The following NTNG1 variants were observed in gnomAD, a reference collection of about 807,000 sequenced individuals.
NTNG1 encodes the protein netrin-G1.
NTNG1 carries 16 observed loss-of-function variants against 54.0 expected under a neutral mutation model. The ratio of observed to expected loss-of-function variants is 0.30; its 90% CI spans 0.20 to 0.45. The LOEUF is 0.45. Among genes scored for constraint, NTNG1 ranks in the 20% least tolerant of loss-of-function variants. NTNG1 has a pLI of 1.00. For synonymous variants in NTNG1, 255 were observed against 263.1 expected (o/e 0.97, Z 0.30); for missense variants, 530 against 678.7 (o/e 0.78, Z 2.43).
Position 107,176,001 on chromosome 1 carries a change from T to A in NTNG1, c.246+27162T>A, listed in dbSNP as rs185585072. Among the ~76,000 whole-genome samples the A allele has an allele frequency of 3.0e-3, 457 of 152,262 alleles. 3 individuals are homozygous for A. The highest frequency in any genetic ancestry group is 0.01 in the Admixed American group (154 of 15,288). ...TCAGTACAAATCAATAGCTACTTATTGAGGGCCCACTGTTTTCACCTGGGT... is the reference window on the plus strand; with the variant it reads ...TCAGTACAAATCAATAGCTACTTATAGAGGGCCCACTGTTTTCACCTGGGT... On this transcript the variant is annotated intron_variant, in intron 2 of 7. Coordinates refer to ENST00000370068, the MANE Select transcript of NTNG1 (RefSeq NM_001113226.3).
intron 7 of NTNG1, among the ~76,000 whole-genome samples, chr1:107,472,229 GA>G (rs1173698352): frequency 6.6e-6 from 1 of 152,110 alleles, no homozygotes; most frequent in East Asian, 1.9e-4. Flanking sequence ...AGATCAAACA[GA>G]AACAGTCACC....
chr1:107,222,382 A>G (rs1660402105), intron 2 of NTNG1, among the ~76,000 whole-genome samples: 2 of 152,178 alleles, frequency 1.3e-5, no homozygotes, highest in South Asian at 2.1e-4. Flanking sequence ...ATGACTTTGG[A>G]TGAGTTACTT....
intron 7 of NTNG1, among the ~76,000 whole-genome samples, chr1:107,464,736 G>T (rs567655720): frequency 5.3e-5 from 8 of 152,154 alleles, no homozygotes; most frequent in Non-Finnish European, 1.2e-4. Context: ...AGTGCAATAG[G>T]TGGAGAATCT....
chr1:107,446,398 T>A (rs1676308595), intron 7 of NTNG1, among the ~76,000 whole-genome samples: 1 of 152,154 alleles, frequency 6.6e-6, no homozygotes, highest in African/African-American at 2.4e-5. Flanking sequence ...CATGTTGGTG[T>A]AAGGGATCAT....
intron 3 of NTNG1, among the ~76,000 whole-genome samples, chr1:107,378,384 T>C (rs1436649561): frequency 1.3e-5 from 2 of 152,138 alleles, no homozygotes; most frequent in Non-Finnish European, 2.9e-5. Flanking sequence ...GAAAGAGCCC[T>C]TTCTAAACAA....
At chr1:107,338,213 AG>A (rs1180539388) in intron 3 of NTNG1, among the ~76,000 whole-genome samples, 2 of 152,082 alleles carry the variant, frequency 1.3e-5, no homozygotes, top group African/African-American at 4.8e-5. Context: ...GGATAGAGAA[AG>A]GAAGAAGTAA....
chr1:107,187,219 A>G (rs1335803814), intron 2 of NTNG1, among the ~76,000 whole-genome samples: 1 of 152,084 alleles, frequency 6.6e-6, no homozygotes, highest in Non-Finnish European at 1.5e-5. Flanking sequence ...CTTTACCACT[A>G]GTATTGAAAA....
intron 3 of NTNG1, among the ~76,000 whole-genome samples, chr1:107,385,250 C>G (rs891875317): frequency 1.3e-5 from 2 of 152,218 alleles, no homozygotes; most frequent in South Asian, 2.1e-4. Context: ...GACACACGTT[C>G]CCTAATTACA....
intron 2 of NTNG1, among the ~76,000 whole-genome samples, chr1:107,318,688 G>A (rs1210683459): frequency 2.6e-5 from 4 of 152,112 alleles, no homozygotes; most frequent in South Asian, 2.1e-4. Context: ...GACTGACAGC[G>A]ATCAGATTTC....
chr1:107,375,454 C>T (rs760639170), intron 3 of NTNG1, among the ~76,000 whole-genome samples: 1 of 152,160 alleles, frequency 6.6e-6, no homozygotes, highest in Non-Finnish European at 1.5e-5. Context: ...CTTGTTACTC[C>T]AACTTGGTTG....
intron 2 of NTNG1, among the ~76,000 whole-genome samples, chr1:107,261,859 C>CA (rs566231734): frequency 3.2e-3 from 488 of 151,738 alleles, no homozygotes; most frequent in African/African-American, 6.9e-3. Flanking sequence ...CAAAACAAAA[C>CA]AAAAAAAACG....
chr1:107,440,700 A>G (rs1262189100), intron 7 of NTNG1, among the ~76,000 whole-genome samples: 10 of 152,144 alleles, frequency 6.6e-5, no homozygotes, highest in Admixed American at 6.6e-4. Flanking sequence ...GGGCTTCTAA[A>G]AAGCCTCCTG....
intron 2 of NTNG1, among the ~76,000 whole-genome samples, chr1:107,177,533 G>A (rs1261817379): frequency 6.6e-6 from 1 of 151,942 alleles, no homozygotes; most frequent in Non-Finnish European, 1.5e-5. Context: ...TGGGGTTTCA[G>A]CATGTTGGCC....
intron 2 of NTNG1, among the ~76,000 whole-genome samples, chr1:107,296,635 T>C (rs1665957548): frequency 6.8e-6 from 1 of 147,882 alleles, no homozygotes. Flanking sequence ...TCTATGAATA[T>C]ATGAAATATA....
intron 2 of NTNG1, among the ~76,000 whole-genome samples, chr1:107,191,488 A>T (rs1424699209): frequency 1.3e-5 from 2 of 152,154 alleles, no homozygotes; most frequent in Non-Finnish European, 2.9e-5. Context: ...TGTTTTAGAC[A>T]TGAAGTCCTT....
chr1:107,204,341 A>G (rs1018013481), intron 2 of NTNG1, among the ~76,000 whole-genome samples: 2 of 152,148 alleles, frequency 1.3e-5, no homozygotes, highest in Admixed American at 6.6e-5. Context: ...ACAACAGACA[A>G]TGGTGGAACT....
At chr1:107,218,725 T>C (rs113491533) in intron 2 of NTNG1, among the ~76,000 whole-genome samples, 2,961 of 152,306 alleles carry the variant, frequency 0.019, 100 homozygotes, top group African/African-American at 0.067. Flanking sequence ...TTAGTTTTGC[T>C]GAATACAAAA....
chr1:107,285,177 A>G (rs185190210), intron 2 of NTNG1, among the ~76,000 whole-genome samples: 6 of 152,284 alleles, frequency 3.9e-5, no homozygotes, highest in African/African-American at 1.4e-4. Context: ...AGTAGAGTGG[A>G]TAAGTAATGT....
At chr1:107,354,705 T>G (rs1191914812) in intron 3 of NTNG1, among the ~76,000 whole-genome samples, 1 of 152,136 alleles carries the variant, frequency 6.6e-6, no homozygotes, top group East Asian at 2.0e-4. Context: ...TCCTCACCAA[T>G]ACAGTCTTTC....
Sources: gnomAD v4.1 joint callset for allele counts (sites outside exome capture counted in the v4.1 genomes callset) on GRCh38, gnomAD v4.1.1 for gene constraint, MANE v1.5 for transcripts, NCBI Gene and HGNC (gene_info 2026-07-23, HGNC 2026-07-21) for gene names.